The following XKR9 variants were observed in gnomAD, a reference collection of about 807,000 sequenced individuals.
The protein encoded by XKR9 is XK related 9.
A neutral mutation model predicts 32.0 loss-of-function variants in XKR9; 32 were observed. The ratio of observed to expected loss-of-function variants is 1.00; its 90% CI spans 0.76 to 1.34. The LOEUF is 1.34. Among genes scored for constraint, XKR9 ranks in the 40% most tolerant of loss-of-function variants. The pLI, the probability that XKR9 is intolerant of heterozygous loss-of-function variation, is 0.00. For missense variants in XKR9, 546 were observed against 429.7 expected (o/e 1.27, Z -2.39); for synonymous variants, 168 against 143.4 (o/e 1.17, Z -1.22).
At chr8:71,000,297 G>A in the XKR9 span, among the ~76,000 whole-genome samples, 3 of 152,032 alleles carry the variant, frequency 2.0e-5, no homozygotes, top group African/African-American at 7.3e-5. Context: ...GATCTGAGTG[G>A]GGACAAGACA....
At chr8:70,804,074 T>C in the XKR9 span, among the ~76,000 whole-genome samples, 5 of 152,254 alleles carry the variant, frequency 3.3e-5, no homozygotes, top group Admixed American at 2.6e-4. Flanking sequence ...ATTGCCTGCC[T>C]GGCTACCAGT....
chr8:70,805,772 G>A, the XKR9 span, among the ~76,000 whole-genome samples: 1 of 152,316 alleles, frequency 6.6e-6, no homozygotes, highest in Middle Eastern at 3.4e-3. Context: ...TGAGCCCCTA[G>A]GGGAAGGAGT....
intron 2 of XKR9, among the ~76,000 whole-genome samples, chr8:70,775,987 C>T (rs1309269020): frequency 6.6e-6 from 1 of 152,052 alleles, no homozygotes; most frequent in Non-Finnish European, 1.5e-5. Flanking sequence ...CTTAAACAAT[C>T]CTCCCATCTC....
the XKR9 span, among the ~76,000 whole-genome samples, chr8:70,933,927 CA>C: frequency 6.6e-6 from 1 of 151,868 alleles, no homozygotes. Flanking sequence ...TCATGGTAAA[CA>C]TTTATTATGA....
chr8:71,040,695 G>A, the XKR9 span, among the ~76,000 whole-genome samples: 1 of 152,026 alleles, frequency 6.6e-6, no homozygotes, highest in African/African-American at 2.4e-5. Flanking sequence ...TTACATAAGT[G>A]TGATTAACTT....
chr8:70,854,303 CT>C, the XKR9 span, among the ~76,000 whole-genome samples: 7 of 152,096 alleles, frequency 4.6e-5, no homozygotes, highest in African/African-American at 1.7e-4. Flanking sequence ...TTTCATGTGC[CT>C]TTTGGCTGCA....
At chr8:71,015,543 T>G in the XKR9 span, among the ~76,000 whole-genome samples, 1 of 152,170 alleles carries the variant, frequency 6.6e-6, no homozygotes, top group Admixed American at 6.5e-5. Context: ...GTATTGTGCT[T>G]TCTGTCATTC....
At chr8:70,925,894 T>C in the XKR9 span, among the ~76,000 whole-genome samples, 1 of 152,020 alleles carries the variant, frequency 6.6e-6, no homozygotes, top group Non-Finnish European at 1.5e-5. Context: ...AAGTGACAAA[T>C]GAATGAGATG....
At chr8:70,714,684 A>AT (rs1002525803) in intron 4 of XKR9, among the ~76,000 whole-genome samples, 10 of 151,872 alleles carry the variant, frequency 6.6e-5, no homozygotes, top group South Asian at 2.1e-4. Context: ...GTATTTGAAG[A>AT]TTTTTTTTAG....
the XKR9 span, among the ~76,000 whole-genome samples, chr8:70,833,061 T>G: frequency 8.5e-5 from 13 of 152,174 alleles, no homozygotes; most frequent in African/African-American, 3.1e-4. Flanking sequence ...TAGTAAAAAA[T>G]TTTTCATTGG....
At chr8:70,695,123 T>C (rs1449820707) in intron 3 of XKR9, among the ~76,000 whole-genome samples, 4 of 106,388 alleles carry the variant, frequency 3.8e-5, no homozygotes, top group Non-Finnish European at 9.2e-5. Context: ...TCCTGCCTTG[T>C]TTTTCTTTTT....
At chr8:70,751,595 A>G (rs555560685) in intron 2 of XKR9, among the ~76,000 whole-genome samples, 1 of 152,196 alleles carries the variant, frequency 6.6e-6, no homozygotes, top group South Asian at 2.1e-4. Context: ...TAGGTACCAT[A>G]CGATCATTTG....
the XKR9 span, among the ~76,000 whole-genome samples, chr8:71,002,620 A>G: frequency 6.6e-6 from 1 of 152,220 alleles, no homozygotes; most frequent in African/African-American, 2.4e-5. Context: ...ACTACAATAA[A>G]AACACACTTG....
At chr8:71,053,900 G>A in the XKR9 span, among the ~76,000 whole-genome samples, 2 of 152,176 alleles carry the variant, frequency 1.3e-5, no homozygotes, top group East Asian at 1.9e-4. Context: ...GCTTCCTCTT[G>A]AAACCCAGCT....
At chr8:70,824,643 G>C in the XKR9 span, among the ~76,000 whole-genome samples, 1 of 152,024 alleles carries the variant, frequency 6.6e-6, no homozygotes, top group Non-Finnish European at 1.5e-5. Flanking sequence ...TAAACACTAA[G>C]TCTAACAGAA....
chr8:70,992,048 A>G, the XKR9 span, among the ~76,000 whole-genome samples: 1 of 152,290 alleles, frequency 6.6e-6, no homozygotes, highest in South Asian at 2.1e-4. Flanking sequence ...ATTACTCCAA[A>G]TCCAAATCTG....
chr8:70,669,954 C>T (rs1818652213), intron 1 of XKR9, among the ~76,000 whole-genome samples: 1 of 152,160 alleles, frequency 6.6e-6, no homozygotes, highest in Non-Finnish European at 1.5e-5. Context: ...GCGTGAGCTA[C>T]CACGCCGGGC....
chr8:70,672,920 T>C (rs1818762240), intron 1 of XKR9, among the ~76,000 whole-genome samples: 1 of 152,218 alleles, frequency 6.6e-6, no homozygotes, highest in African/African-American at 2.4e-5. Context: ...TATTTGTGTT[T>C]TCTCTTGTTG....
the XKR9 span, among the ~76,000 whole-genome samples, chr8:70,913,739 G>A: frequency 1.1e-4 from 17 of 152,236 alleles, no homozygotes; most frequent in East Asian, 3.1e-3. Flanking sequence ...TCCTATGTTG[G>A]CCTTTCCTTC....
Sources: gnomAD v4.1 joint callset for allele counts (sites outside exome capture counted in the v4.1 genomes callset) on GRCh38, gnomAD v4.1.1 for gene constraint, MANE v1.5 for transcripts, NCBI Gene and HGNC (gene_info 2026-07-23, HGNC 2026-07-21) for gene names.